The following MYO16 variants were observed in gnomAD, a reference collection of about 807,000 sequenced individuals.
MYO16 encodes the protein myosin XVI, also known as unconventional myosin-XVI.
Under a neutral mutation model 205.3 loss-of-function variants are expected in MYO16, and 94 were observed. The observed-to-expected ratio is 0.46, with a 90% CI of 0.39 to 0.54. MYO16 has a LOEUF of 0.54. Among genes scored for constraint, MYO16 ranks in the 20% least tolerant of loss-of-function variants. MYO16 has a pLI of 0.00. For missense variants in MYO16, 2,315 were observed against 2,387.5 expected (o/e 0.97, Z 0.63); for synonymous variants, 988 against 954.0 (o/e 1.04, Z -0.66).
At chr13:108,685,372 G>A (rs571607685) in intron 2 of MYO16, among the ~76,000 whole-genome samples, 1 of 152,142 alleles carries the variant, frequency 6.6e-6, no homozygotes, top group East Asian at 1.9e-4. Context: ...ACAACCTGGG[G>A]CTCAGAACTG....
At chr13:108,648,726 C>T (rs148794214) in intron 1 of MYO16, among the ~76,000 whole-genome samples, 24 of 152,046 alleles carry the variant, frequency 1.6e-4, no homozygotes, top group Middle Eastern at 3.4e-3. Context: ...TTATATTACA[C>T]GAGTCACTTG....
the MYO16 span, among the ~76,000 whole-genome samples, chr13:108,561,835 A>G: frequency 3.3e-5 from 5 of 152,128 alleles, no homozygotes; most frequent in African/African-American, 1.2e-4. Flanking sequence ...TCTTGCTACA[A>G]AGTCTTTCTA....
intron 16 of MYO16, among the ~76,000 whole-genome samples, chr13:108,955,713 C>T (rs972262405): frequency 5.3e-5 from 8 of 151,976 alleles, no homozygotes; most frequent in African/African-American, 1.9e-4. Context: ...TAGCCGGGCA[C>T]GGTGGCAGGC....
intron 9 of MYO16, among the ~76,000 whole-genome samples, chr13:108,823,696 C>T (rs1365737069): frequency 2.6e-5 from 4 of 151,984 alleles, no homozygotes; most frequent in Non-Finnish European, 5.9e-5. Flanking sequence ...AAATAACTTC[C>T]TGTTGCATTG....
chr13:108,624,983 G>T (rs1260602052), upstream of MYO16, among the ~76,000 whole-genome samples: 2 of 152,072 alleles, frequency 1.3e-5, no homozygotes, highest in African/African-American at 4.8e-5. Context: ...AATAACCAGG[G>T]ATATTTTCTA....
intron 34 of MYO16, among the ~76,000 whole-genome samples, chr13:109,205,991 C>T (rs1377336350): frequency 6.6e-6 from 1 of 152,148 alleles, no homozygotes; most frequent in Non-Finnish European, 1.5e-5. Context: ...CTTGAATGAG[C>T]TCATTGGATA....
intron 27 of MYO16, among the ~76,000 whole-genome samples, chr13:109,063,650 T>C (rs1476195274): frequency 6.6e-6 from 1 of 152,230 alleles, no homozygotes; most frequent in African/African-American, 2.4e-5. Flanking sequence ...AGCTGCTCAA[T>C]CTACAGTATG....
intron 16 of MYO16, among the ~76,000 whole-genome samples, chr13:108,944,215 T>A (rs928041553): frequency 2.0e-5 from 3 of 151,476 alleles, no homozygotes; most frequent in Non-Finnish European, 2.9e-5. Context: ...AAAAAAAAAA[T>A]AATATTAGGT....
chr13:108,957,613 G>A (rs1225839304), intron 16 of MYO16, 75 bp from the exon 17 acceptor site: 37 of 974,210 alleles, frequency 3.8e-5, no homozygotes, highest in African/African-American at 1.8e-4. Flanking sequence ...GATCAAATAC[G>A]GCAGAAGTGA....
At position 108,900,032 on chromosome 13, in the gene MYO16, G is replaced by T. The variant is rs191818248; in HGVS notation, c.1777+1899G>T. ...TGCAAGGAGGAGAAGCTCATCTGGG[G>T]TGTCACCAGCATGACTTTTTCTTCT... On this transcript the variant is annotated intron_variant, in intron 15 of 34. Transcript: ENST00000457511. Among the ~76,000 whole-genome samples, 497 of 152,310 alleles carry T rather than the reference G, an allele frequency of 3.3e-3. 2 individuals are homozygous for T. The highest frequency in any genetic ancestry group is 6.2e-3 in the Non-Finnish European group (419 of 68,030).
At chr13:109,016,425 A>G (rs1016562675) in intron 22 of MYO16, among the ~76,000 whole-genome samples, 17 of 152,238 alleles carry the variant, frequency 1.1e-4, no homozygotes, top group Non-Finnish European at 2.9e-5. Flanking sequence ...GGTGCTAAGA[A>G]GAATGTGTAT....
At chr13:108,711,375 A>G (rs1883715621) in intron 2 of MYO16, among the ~76,000 whole-genome samples, 1 of 152,264 alleles carries the variant, frequency 6.6e-6, no homozygotes, top group Non-Finnish European at 1.5e-5. Flanking sequence ...GAACATCATC[A>G]AAGGAAAGTC....
intron 27 of MYO16, 113 bp from the exon 28 acceptor site, chr13:109,100,671 TA>T: frequency 1.3e-6 from 1 of 748,580 alleles, no homozygotes; most frequent in Non-Finnish European, 2.2e-6. Context: ...GTTCCTGGGA[TA>T]AAGAAAGACG....
the MYO16 span, among the ~76,000 whole-genome samples, chr13:108,510,620 C>A: frequency 1.8e-5 from 1 of 55,628 alleles, no homozygotes; most frequent in Non-Finnish European, 3.3e-5. Flanking sequence ...CTATCCCTCC[C>A]CCCTCCCCCG....
chr13:109,120,522 TTTTAGTGCA>T, intron 29 of MYO16, 56 bp downstream of exon 29: 1 of 1,322,624 alleles, frequency 7.6e-7, no homozygotes, highest in Non-Finnish European at 1.1e-6. Context: ...ATGCAAAATC[TTTTAGTGCA>T]TCCCCAAGTT....
chr13:109,047,796 A>G (rs1887095354), intron 24 of MYO16, among the ~76,000 whole-genome samples: 1 of 152,144 alleles, frequency 6.6e-6, no homozygotes, highest in African/African-American at 2.4e-5. Context: ...TGAATGCTCT[A>G]GCATTGAAAA....
intron 1 of MYO16, among the ~76,000 whole-genome samples, chr13:108,600,496 A>G (rs555235927): frequency 6.6e-6 from 1 of 152,314 alleles, no homozygotes; most frequent in East Asian, 1.9e-4. Context: ...TGACCGTTAT[A>G]CATTCAGAAG....
chr13:109,130,422 A>G (rs1358907050), intron 31 of MYO16, among the ~76,000 whole-genome samples: 6 of 152,206 alleles, frequency 3.9e-5, no homozygotes, highest in Non-Finnish European at 8.8e-5. Flanking sequence ...CACCACCACA[A>G]AAAGAAAGTC....
Position 109,193,390 on chromosome 13 carries a change from T to G in MYO16, c.5416-13219T>G, listed in dbSNP as rs371294209. 8.5e-5 allele frequency among the ~76,000 whole-genome samples: 13 copies of G among 152,236 alleles called. 1 individual carries two copies. Among genetic ancestry groups the G allele is most frequent in the Admixed American group, 2.0e-4 (3 of 15,292 alleles). On this transcript the variant is annotated intron_variant, in intron 34 of 34. Coordinates refer to ENST00000457511, the MANE Select transcript of MYO16 (RefSeq NM_001198950.3). ...TCTAACAGGTCACTGCATTTTGGAG[T>G]TGCTAATGGATCCCATTGATTTGCT...
Sources: gnomAD v4.1 joint callset for allele counts (sites outside exome capture counted in the v4.1 genomes callset) on GRCh38, gnomAD v4.1.1 for gene constraint, MANE v1.5 for transcripts, NCBI Gene and HGNC (gene_info 2026-07-23, HGNC 2026-07-21) for gene names.